POC1A: variants seen among roughly 807,000 people sequenced by gnomAD.
POC1A encodes the protein POC1 centriolar protein A, also known as POC1 centriolar protein homolog A.
A neutral mutation model predicts 47.8 loss-of-function variants in POC1A; 34 were observed. The ratio of observed to expected loss-of-function variants is 0.71; its 90% CI spans 0.54 to 0.95. POC1A has a LOEUF of 0.95. POC1A is among the 40% of genes least tolerant of loss of function. The pLI is 0.00. For synonymous variants in POC1A, 177 were observed against 207.6 expected (o/e 0.85, Z 1.27); for missense variants, 466 against 528.3 (o/e 0.88, Z 1.16).
At chr3:52,145,458 C>T (rs1433762983) in intron 6 of POC1A, among the ~76,000 whole-genome samples, 2 of 152,224 alleles carry the variant, frequency 1.3e-5, no homozygotes, top group African/African-American at 4.8e-5. Flanking sequence ...AGGGCTGTCA[C>T]CTTGGCCCTG....
At chr3:52,108,393 A>G (rs2107027254) in intron 9 of POC1A, among the ~76,000 whole-genome samples, 1 of 152,218 alleles carries the variant, frequency 6.6e-6, no homozygotes, top group East Asian at 1.9e-4. Context: ...GAGACGCCAC[A>G]GCTCTCAGTG....
intron 8 of POC1A, among the ~76,000 whole-genome samples, chr3:52,123,975 T>C (rs1286999401): frequency 3.3e-5 from 5 of 152,232 alleles, no homozygotes; most frequent in East Asian, 3.8e-4. Flanking sequence ...GGACTGGTGC[T>C]GGTGTGGGAA....
At chr3:52,104,741 T>G (rs1703114398) in intron 9 of POC1A, among the ~76,000 whole-genome samples, 1 of 152,240 alleles carries the variant, frequency 6.6e-6, no homozygotes, top group South Asian at 2.1e-4. Flanking sequence ...TGCAGTTCAA[T>G]TCCCAAAGCC....
In POC1A at chr3:52,154,217, C is replaced by G. The variant is rs998864591; in HGVS notation, c.18+138G>C. ...CCCGACCCAGCGCCCCCTGCGCAGACAGTAAACTGGACCTGAAGAGGACCA... is the reference window on the plus strand; with the variant it reads ...CCCGACCCAGCGCCCCCTGCGCAGAGAGTAAACTGGACCTGAAGAGGACCA... On this transcript the variant is annotated intron_variant, in intron 1 of 10. Transcript: ENST00000296484. The G allele has an allele frequency of 7.9e-6, 7 of 890,040 alleles. No homozygotes were observed. The African/African-American group carries it at 1.2e-4, about 16-fold the overall frequency. The allele number at this position is 890,040 out of a possible 1,614,324, so 55.1% of individuals were successfully genotyped here. A position where few individuals can be genotyped will look rare whatever the true frequency, so the allele number is the denominator to read the frequency against.
intron 10 of POC1A, among the ~76,000 whole-genome samples, chr3:52,082,249 G>C (rs537933490): frequency 6.6e-6 from 1 of 152,322 alleles, no homozygotes; most frequent in South Asian, 2.1e-4. Flanking sequence ...AGAGTCCAGC[G>C]CAGGGGAGCT....
At chr3:52,116,916 G>A (rs771774618) in intron 9 of POC1A, among the ~76,000 whole-genome samples, 19 of 152,178 alleles carry the variant, frequency 1.2e-4, no homozygotes, top group Admixed American at 1.0e-3. Flanking sequence ...GGCCAGGTGC[G>A]GTGGCTCACA....
In POC1A at chr3:52,154,387, C is replaced by T. The variant is rs1167283487; in HGVS notation, c.-15G>A. 2.7e-6 allele frequency: 4 copies of T among 1,470,072 alleles called. No individual in the cohort carries two copies. Among genetic ancestry groups the T allele is most frequent in the Admixed American group, 2.8e-5 (1 of 36,220 alleles). The allele number at this position is 1,470,072 out of a possible 1,614,324, so 91.1% of individuals were successfully genotyped here. A position where few individuals can be genotyped will look rare whatever the true frequency, so the allele number is the denominator to read the frequency against. On this transcript the variant is annotated 5_prime_UTR_variant, in exon 1 of 11. Transcript: ENST00000296484. ...GGCGCAGCCATGGCGGGGCTGGCGG[C>T]GCCGAAGGCAGCTGCGGTGGCCGTT...
chr3:52,128,887 G>A (rs531054142), intron 7 of POC1A, among the ~76,000 whole-genome samples: 1 of 152,256 alleles, frequency 6.6e-6, no homozygotes, highest in Non-Finnish European at 1.5e-5. Flanking sequence ...AATAGATCCT[G>A]GAAGTTTCCA....
intron 9 of POC1A, among the ~76,000 whole-genome samples, chr3:52,101,856 G>C (rs1335341107): frequency 2.0e-5 from 3 of 151,910 alleles, no homozygotes; most frequent in Non-Finnish European, 1.5e-5. Flanking sequence ...TTCTGGAGGG[G>C]AAAAAAAGGT....
chr3:52,096,775 A>T (rs1200607497), intron 9 of POC1A, 63 bp from the exon 10 acceptor site: 1 of 1,388,614 alleles, frequency 7.2e-7, no homozygotes, highest in Non-Finnish European at 9.6e-7. Flanking sequence ...CTGTGAGAGG[A>T]ATAGCCCCTC....
At chr3:52,108,375 A>G (rs2107027159) in intron 9 of POC1A, among the ~76,000 whole-genome samples, 1 of 152,352 alleles carries the variant, frequency 6.6e-6, no homozygotes, top group South Asian at 2.1e-4. Flanking sequence ...CAGAGCCGAC[A>G]TCTCTGGGAG....
intron 3 of POC1A, 117 bp from the exon 4 acceptor site, chr3:52,149,506 T>A (rs969151801): frequency 1.1e-6 from 1 of 897,294 alleles, no homozygotes; most frequent in Non-Finnish European, 1.7e-6. Flanking sequence ...CAAGCCCGAG[T>A]ACCCCAGTCT....
At chr3:52,136,495 C>T (rs1704470402) in intron 7 of POC1A, among the ~76,000 whole-genome samples, 1 of 152,170 alleles carries the variant, frequency 6.6e-6, no homozygotes, top group Admixed American at 6.5e-5. Context: ...CCCTGGTGCC[C>T]AGCCCCGTGA....
chr3:52,105,291 A>G (rs2091990116), intron 9 of POC1A, among the ~76,000 whole-genome samples: 2 of 152,192 alleles, frequency 1.3e-5, no homozygotes, highest in Non-Finnish European at 2.9e-5. Context: ...ACACACCCCC[A>G]TGATTAAATA....
At position 52,154,423 on chromosome 3, in the gene POC1A, C is replaced by A; in HGVS notation, c.-51G>T. On this transcript the variant is annotated 5_prime_UTR_variant, in exon 1 of 11. Coordinates refer to ENST00000296484, the MANE Select transcript of POC1A (RefSeq NM_015426.5). Reference sequence around the variant, plus strand: ...GCTGCGGTGGCCGTTGCGGCCCGTTCAGTTTCCGCGCCCCCAACGGCCACC... The same window carrying A: ...GCTGCGGTGGCCGTTGCGGCCCGTTAAGTTTCCGCGCCCCCAACGGCCACC... The A allele has an allele frequency of 7.2e-7, 1 of 1,393,432 alleles. No individual in the cohort carries two copies. Among genetic ancestry groups the A allele is most frequent in the South Asian group, 1.5e-5 (1 of 65,616 alleles). The allele number at this position is 1,393,432 out of a possible 1,614,324, so 86.3% of individuals were successfully genotyped here. A position where few individuals can be genotyped will look rare whatever the true frequency, so the allele number is the denominator to read the frequency against.
intron 9 of POC1A, among the ~76,000 whole-genome samples, chr3:52,113,962 T>C (rs745764740): frequency 4.6e-5 from 7 of 152,198 alleles, no homozygotes; most frequent in East Asian, 1.9e-4. Flanking sequence ...TTTTGCAGAG[T>C]GAGCCCATGA....
intron 8 of POC1A, among the ~76,000 whole-genome samples, chr3:52,123,559 C>T (rs1703876645): frequency 1.3e-5 from 2 of 152,232 alleles, no homozygotes; most frequent in African/African-American, 4.8e-5. Flanking sequence ...CCACTGTTTC[C>T]TCTCCCAGAT....
chr3:52,154,418 C>T lies in POC1A; in HGVS notation c.-46G>A. ...AGGCAGCTGCGGTGGCCGTTGCGGC[C>T]CGTTCAGTTTCCGCGCCCCCAACGG... On this transcript the variant is annotated 5_prime_UTR_variant, in exon 1 of 11. Transcript: ENST00000296484. 7.1e-7 allele frequency: 1 copy of T among 1,408,938 alleles called. No homozygotes were observed. Among genetic ancestry groups the T allele is most frequent in the South Asian group, 1.5e-5 (1 of 67,600 alleles). The allele number at this position is 1,408,938 out of a possible 1,614,324, so 87.3% of individuals were successfully genotyped here.
chr3:52,112,377 C>T (rs1703415223), intron 9 of POC1A, among the ~76,000 whole-genome samples: 2 of 152,194 alleles, frequency 1.3e-5, no homozygotes, highest in African/African-American at 2.4e-5. Context: ...TGGTGGCTCA[C>T]ACCTGTAATC....
Sources: allele counts gnomAD v4.1 joint callset (sites outside exome capture counted in the v4.1 genomes callset), GRCh38; gene constraint gnomAD v4.1.1; transcripts MANE v1.5; gene names NCBI Gene and HGNC (gene_info 2026-07-23, HGNC 2026-07-21).